FBLN2: variants seen among roughly 807,000 people sequenced by gnomAD.
The protein encoded by FBLN2 is fibulin 2.
FBLN2 carries 81 observed loss-of-function variants against 123.7 expected under a neutral mutation model. That is an observed-to-expected ratio of 0.65 (90% CI 0.55 to 0.79). The LOEUF (loss-of-function observed/expected upper bound fraction) is 0.79, where lower values mean the gene tolerates loss of function less well. Ranked by LOEUF, FBLN2 falls within the 30% of genes least tolerant of loss-of-function variation. FBLN2 has a pLI of 0.00. For synonymous variants in FBLN2, 699 were observed against 701.4 expected (o/e 1.00, Z 0.05); for missense variants, 1,603 against 1,681.3 (o/e 0.95, Z 0.81).
chr3:13,582,297 C>T (rs1040022720), intron 2 of FBLN2, among the ~76,000 whole-genome samples: 3 of 152,200 alleles, frequency 2.0e-5, no homozygotes, highest in African/African-American at 7.2e-5. Flanking sequence ...AGTCCTTGGC[C>T]TCCTGAGCCT....
At chr3:13,585,200 A>AC (rs1158999810) in intron 2 of FBLN2, among the ~76,000 whole-genome samples, 1 of 151,798 alleles carries the variant, frequency 6.6e-6, no homozygotes, top group Non-Finnish European at 1.5e-5. Context: ...TGTGCCTCAC[A>AC]CCCCCCACCA....
At chr3:13,555,194 C>T (rs533009329) in intron 1 of FBLN2, among the ~76,000 whole-genome samples, 1 of 152,012 alleles carries the variant, frequency 6.6e-6, no homozygotes, top group East Asian at 1.9e-4. Flanking sequence ...TCAGGTGATC[C>T]ACCTGTCTTG....
At chr3:13,600,770 C>T (rs1241535198) in intron 2 of FBLN2, among the ~76,000 whole-genome samples, 4 of 152,096 alleles carry the variant, frequency 2.6e-5, no homozygotes, top group Non-Finnish European at 4.4e-5. Context: ...TGCCCACCAC[C>T]ATGCCCAGCT....
At chr3:13,612,554 T>C (rs1386174001) in intron 4 of FBLN2, among the ~76,000 whole-genome samples, 1 of 151,996 alleles carries the variant, frequency 6.6e-6, no homozygotes, top group East Asian at 1.9e-4. Flanking sequence ...CTGATTTTTT[T>C]GTATTTTTAG....
Position 13,637,876 on chromosome 3 carries a change from T to C in FBLN2, c.3653T>C (p.Phe1218Ser). The C allele has an allele frequency of 6.2e-7, 1 of 1,606,930 alleles. No homozygotes were observed. The highest frequency in any genetic ancestry group is 8.5e-7 in the Non-Finnish European group (1 of 1,174,996). The change falls in exon 18 of 18, where the codon TTC becomes TCC. Residue 1218 changes from phenylalanine to serine, a missense_variant. Coordinates refer to ENST00000404922, the MANE Select transcript of FBLN2 (RefSeq NM_001004019.2). ...KLWRQGSVTT[F>S]LAKMHIFFTT... ...TGGAGGCAGGGCTCCGTCACCACCT[T>C]CCTGGCCAAGATGCACATCTTCTTC...
At chr3:13,578,730 A>T (rs1040795372) in intron 2 of FBLN2, among the ~76,000 whole-genome samples, 19 of 152,206 alleles carry the variant, frequency 1.2e-4, no homozygotes, top group African/African-American at 4.6e-4. Context: ...GCTGGGCCAC[A>T]TGGTAACTCT....
At chr3:13,607,921 G>C in intron 2 of FBLN2, 141 bp from the exon 3 acceptor site, 1 of 642,422 alleles carries the variant, frequency 1.6e-6, no homozygotes, top group Non-Finnish European at 2.8e-6. Flanking sequence ...GTTGTGTTGT[G>C]AGCTGTTAGC....
chr3:13,550,581 G>A (rs1703295887), intron 1 of FBLN2, among the ~76,000 whole-genome samples: 1 of 152,250 alleles, frequency 6.6e-6, no homozygotes, highest in Non-Finnish European at 1.5e-5. Flanking sequence ...GAATTGGGTG[G>A]CAGCTGAGAA....
chr3:13,569,507 G>C (rs1297583375), intron 1 of FBLN2, among the ~76,000 whole-genome samples: 1 of 152,056 alleles, frequency 6.6e-6, no homozygotes, highest in South Asian at 2.1e-4. Flanking sequence ...GGTAGAGACC[G>C]TGGGGAGGGA....
Position 13,630,797 on chromosome 3 carries a change from G to T in FBLN2, c.3067G>T (p.Asp1023Tyr). ...CCGCCAGGGCTACCAGCTGGCTGAG[G>T]ATGGGCACACCTGCACAGGTACCTC... Reference protein sequence around the residue: ...YCRQGYQLAEDGHTCTDIDEC... With the variant: ...YCRQGYQLAEYGHTCTDIDEC... Residue 1023 changes from aspartate (D) to tyrosine (Y), a missense_variant, in exon 15 of 18, where the codon GAT becomes TAT. Physicochemically the swap from Asp to Tyr is radical, Grantham distance 160. Transcript: ENST00000404922. The T allele has an allele frequency of 6.2e-7, 1 of 1,604,968 alleles. No individual in the cohort carries two copies. The highest frequency in any genetic ancestry group is 8.5e-7 in the Non-Finnish European group (1 of 1,175,962).
chr3:13,625,901 C>A (rs1706019942), intron 9 of FBLN2, among the ~76,000 whole-genome samples: 1 of 151,760 alleles, frequency 6.6e-6, no homozygotes. Context: ...TCCTGGTGGG[C>A]CCTTGAACCT....
At chr3:13,600,026 AGAGAGAGAGAGAGAGAGAGC>A (rs1357642878) in intron 2 of FBLN2, among the ~76,000 whole-genome samples, 3 of 103,316 alleles carry the variant, frequency 2.9e-5, no homozygotes, top group African/African-American at 1.7e-4. Flanking sequence ...ACAGAGAGAG[AGAGAGAGAGAGAGAGAGAGC>A]GAGAGAGAGA....
At chr3:13,579,947 C>G (rs1704269886) in intron 2 of FBLN2, among the ~76,000 whole-genome samples, 1 of 152,238 alleles carries the variant, frequency 6.6e-6, no homozygotes, top group Admixed American at 6.5e-5. Flanking sequence ...TAGGAAGCCT[C>G]CTTTGTGCCC....
chr3:13,636,079 G>A (rs369638123), intron 16 of FBLN2, among the ~76,000 whole-genome samples: 2 of 152,332 alleles, frequency 1.3e-5, no homozygotes, highest in East Asian at 1.9e-4. Flanking sequence ...GTAGGATAAG[G>A]GTCAGGCTAT....
At chr3:13,597,884 C>T (rs867576046) in intron 2 of FBLN2, among the ~76,000 whole-genome samples, 1 of 152,226 alleles carries the variant, frequency 6.6e-6, no homozygotes, top group Non-Finnish European at 1.5e-5. Context: ...TGTTGCTGGG[C>T]CATGTCACTG....
At chr3:13,602,949 C>T (rs1303208914) in intron 2 of FBLN2, among the ~76,000 whole-genome samples, 6 of 148,820 alleles carry the variant, frequency 4.0e-5, no homozygotes, top group Non-Finnish European at 5.9e-5. Flanking sequence ...CTTGCTCTGT[C>T]GCCCAGGCTG....
chr3:13,636,677 C>T, intron 17 of FBLN2, 109 bp downstream of exon 17: 1 of 1,316,078 alleles, frequency 7.6e-7, no homozygotes. Flanking sequence ...CCTCTCGTCC[C>T]AGCCCCTGAC....
At position 13,638,163 on chromosome 3, in the gene FBLN2, CTG is replaced by C. The variant is rs1559432259; in HGVS notation, c.*247_*248del. 4 of 644,714 alleles carry C rather than the reference CTG, an allele frequency of 6.2e-6. No homozygotes were observed. The East Asian group carries it at 1.2e-4, about 19-fold the overall frequency. The allele number at this position is 644,714 out of a possible 1,614,324, so 39.9% of individuals were successfully genotyped here. On this transcript the variant is annotated 3_prime_UTR_variant, in exon 18 of 18. Transcript: ENST00000404922. Reference sequence around the variant, plus strand: ...GTGGGCCACGGCCGTGGCGGGTGCCCTGTGGGTGAGGCTGGGTGATGACCTGA... The same window carrying C: ...GTGGGCCACGGCCGTGGCGGGTGCCCTGGGTGAGGCTGGGTGATGACCTGA...
chr3:13,555,179 T>C (rs1703429254), intron 1 of FBLN2, among the ~76,000 whole-genome samples: 1 of 152,056 alleles, frequency 6.6e-6, no homozygotes, highest in South Asian at 2.1e-4. Flanking sequence ...CTCAAACTCC[T>C]GACCTCAGGT....
Sources: gnomAD v4.1 joint callset for allele counts (sites outside exome capture counted in the v4.1 genomes callset) on GRCh38, gnomAD v4.1.1 for gene constraint, MANE v1.5 for transcripts, NCBI Gene and HGNC (gene_info 2026-07-23, HGNC 2026-07-21) for gene names.